Variants in TTC33 observed in about 807,000 individuals in gnomAD.
The protein encoded by TTC33 is tetratricopeptide repeat domain 33, also known as tetratricopeptide repeat protein 33.
In TTC33, 24 loss-of-function variants were observed where a neutral mutation model predicts 29.4. The ratio of observed to expected loss-of-function variants is 0.82; its 90% CI spans 0.59 to 1.15. TTC33 has a LOEUF of 1.15. Among genes scored for constraint, TTC33 ranks in the 50% most tolerant of loss-of-function variants. The probability of loss-of-function intolerance (pLI) is 0.00; values close to 1 mark genes in which losing one functional copy is unlikely to be tolerated. For synonymous variants in TTC33, 107 were observed against 100.3 expected (o/e 1.07, Z -0.40); for missense variants, 286 against 310.4 (o/e 0.92, Z 0.59).
In TTC33 at chr5:40,715,780, T is replaced by G. The variant is rs1741984075; in HGVS notation, c.*365A>C. ...AGGGAGGGAAATCACACACTTCCTT[T>G]ATCATAAAACAAAAGTTGAGACAGC... On this transcript the variant is annotated 3_prime_UTR_variant, in exon 5 of 5. Coordinates refer to ENST00000337702, the MANE Select transcript of TTC33 (RefSeq NM_012382.3). The G allele has an allele frequency of 5.9e-6, 1 of 170,596 alleles. No homozygotes were observed. Among genetic ancestry groups the G allele is most frequent in the African/African-American group, 2.4e-5 (1 of 42,180 alleles). 10.6% of individuals were successfully genotyped at this position (170,596 alleles called of 1,614,324 possible).
chr5:40,714,935 T>C lies in TTC33; in HGVS notation c.*1210A>G, dbSNP rs1004719645. 3 of 152,136 alleles carry C rather than the reference T, an allele frequency of 2.0e-5. No homozygotes were observed. The highest frequency in any genetic ancestry group is 4.4e-5 in the Non-Finnish European group (3 of 67,940). 9.4% of individuals were successfully genotyped at this position (152,136 alleles called of 1,614,324 possible). A position where few individuals can be genotyped will look rare whatever the true frequency, so the allele number is the denominator to read the frequency against. On this transcript the variant is annotated 3_prime_UTR_variant, in exon 5 of 5. Transcript: ENST00000337702. ...AACAGAACCCAACAGTTCTATATTA[T>C]TGTACTACAATATATAGTATAAAAA...
chr5:40,748,180 T>C (rs754723364), intron 1 of TTC33, among the ~76,000 whole-genome samples: 2 of 151,984 alleles, frequency 1.3e-5, no homozygotes, highest in Non-Finnish European at 2.9e-5. Flanking sequence ...TGATATTTGA[T>C]GATATTAAGA....
At chr5:40,724,032 A>T (rs1742220205) in intron 4 of TTC33, among the ~76,000 whole-genome samples, 1 of 152,232 alleles carries the variant, frequency 6.6e-6, no homozygotes, top group Admixed American at 6.5e-5. Context: ...ATTTCTGGAT[A>T]TTTATCCAAA....
intron 4 of TTC33, among the ~76,000 whole-genome samples, chr5:40,718,433 C>T (rs1278085995): frequency 6.6e-6 from 1 of 151,066 alleles, no homozygotes; most frequent in Non-Finnish European, 1.5e-5. Context: ...AAAAAATACA[C>T]AGAGATAGGT....
chr5:40,738,444 AAATACAATACAATACAATAC>A (rs140651944), intron 2 of TTC33, among the ~76,000 whole-genome samples: 72 of 83,650 alleles, frequency 8.6e-4, no homozygotes, highest in Middle Eastern at 6.1e-3. Flanking sequence ...ATATAAAATA[AAATACAATACAATACAATAC>A]AATACAATAC....
chr5:40,714,487 CTATT>C lies in TTC33; in HGVS notation c.*1654_*1657del, dbSNP rs1053488336. ...AAAATCTTCAAAATGCAGAAAAAAACTATTTATTCACAAATTACACAAAAAACAA... is the reference window on the plus strand; with the variant it reads ...AAAATCTTCAAAATGCAGAAAAAAACTATTCACAAATTACACAAAAAACAA... On this transcript the variant is annotated 3_prime_UTR_variant, in exon 5 of 5. Coordinates refer to ENST00000337702, the MANE Select transcript of TTC33 (RefSeq NM_012382.3). 6 of 152,144 alleles carry C rather than the reference CTATT, an allele frequency of 3.9e-5. No individual in the cohort carries two copies. The highest frequency in any genetic ancestry group is 9.7e-5 in the African/African-American group (4 of 41,412). The allele number at this position is 152,144 out of a possible 1,614,324, so 9.4% of individuals were successfully genotyped here.
chr5:40,719,896 T>C (rs890709466), intron 4 of TTC33, among the ~76,000 whole-genome samples: 1 of 152,238 alleles, frequency 6.6e-6, no homozygotes, highest in Non-Finnish European at 1.5e-5. Context: ...ATTTGTCTTT[T>C]TGTTATTGAG....
chr5:40,752,808 C>T (rs1024916834), intron 1 of TTC33, among the ~76,000 whole-genome samples: 11 of 152,076 alleles, frequency 7.2e-5, no homozygotes, highest in African/African-American at 2.2e-4. Context: ...ACAAATAGCA[C>T]GAAAAGACTT....
chr5:40,739,812 A>G (rs1260824599), intron 2 of TTC33, among the ~76,000 whole-genome samples: 2 of 152,158 alleles, frequency 1.3e-5, no homozygotes, highest in Non-Finnish European at 2.9e-5. Flanking sequence ...GTGTATATTT[A>G]TTGATTTATT....
chr5:40,717,783 G>A (rs1742033524), intron 4 of TTC33, among the ~76,000 whole-genome samples: 1 of 152,192 alleles, frequency 6.6e-6, no homozygotes, highest in Non-Finnish European at 1.5e-5. Flanking sequence ...CACTTAATCG[G>A]CCAGGCACCA....
chr5:40,736,678 C>T (rs780971152), intron 2 of TTC33, among the ~76,000 whole-genome samples: 5 of 152,138 alleles, frequency 3.3e-5, no homozygotes, highest in Non-Finnish European at 5.9e-5. Context: ...AGTACATTCA[C>T]TTGGTGCTTA....
chr5:40,743,307 G>C (rs996058369), intron 2 of TTC33, among the ~76,000 whole-genome samples: 1 of 152,146 alleles, frequency 6.6e-6, no homozygotes, highest in Non-Finnish European at 1.5e-5. Context: ...ATAGCACAAA[G>C]TTGTATAATA....
chr5:40,750,250 C>T (rs963303451), intron 1 of TTC33, among the ~76,000 whole-genome samples: 1 of 151,922 alleles, frequency 6.6e-6, no homozygotes, highest in South Asian at 2.1e-4. Context: ...TTACTGAAGG[C>T]TGGTGGCTGT....
intron 2 of TTC33, among the ~76,000 whole-genome samples, chr5:40,738,521 A>ATACAC (rs1742613810): frequency 1.5e-5 from 2 of 130,978 alleles, no homozygotes; most frequent in African/African-American, 5.7e-5. Flanking sequence ...ATACAATAAA[A>ATACAC]TAAAATACAA....
intron 2 of TTC33, among the ~76,000 whole-genome samples, chr5:40,732,338 C>T (rs1742449695): frequency 6.6e-6 from 1 of 152,008 alleles, no homozygotes; most frequent in Non-Finnish European, 1.5e-5. Flanking sequence ...ATTACTTGTT[C>T]TCACTTTATT....
intron 4 of TTC33, among the ~76,000 whole-genome samples, chr5:40,726,162 C>T (rs370676733): frequency 0.03 from 539 of 17,928 alleles, 7 homozygotes; most frequent in South Asian, 0.22. Context: ...TATATATATA[C>T]ACACACACAC....
chr5:40,753,364 CA>C (rs767934058), intron 1 of TTC33, among the ~76,000 whole-genome samples: 54 of 120,728 alleles, frequency 4.5e-4, no homozygotes, highest in Non-Finnish European at 3.2e-4. Context: ...AACTCCATCT[CA>C]AAAAAAAAAA....
rs1660261994 is a variant in TTC33, at chr5:40,715,062, A to G, written c.*1083T>C. Reference sequence around the variant, plus strand: ...AGCCTTTTCATACTCATGAGATTGTACTATAAATCACATTCCAATTTCTAT... The same window carrying G: ...AGCCTTTTCATACTCATGAGATTGTGCTATAAATCACATTCCAATTTCTAT... On this transcript the variant is annotated 3_prime_UTR_variant, in exon 5 of 5. Transcript: ENST00000337702. 1 of 152,108 alleles carries G rather than the reference A, an allele frequency of 6.6e-6. No individual in the cohort carries two copies. The highest frequency in any genetic ancestry group is 1.9e-4 in the East Asian group (1 of 5,202). The allele number at this position is 152,108 out of a possible 1,614,324, so 9.4% of individuals were successfully genotyped here.
rs541274094 is a variant in TTC33, at chr5:40,715,617, A to G, written c.*528T>C. The G allele has an allele frequency of 6.6e-6, 1 of 152,516 alleles. No individual in the cohort carries two copies. The highest frequency in any genetic ancestry group is 6.5e-5 in the Admixed American group (1 of 15,306). The allele number at this position is 152,516 out of a possible 1,614,324, so 9.4% of individuals were successfully genotyped here. A position where few individuals can be genotyped will look rare whatever the true frequency, so the allele number is the denominator to read the frequency against. Reference sequence around the variant, plus strand: ...ACACATTTGTGTGCATTTTCAGCCAAACTTTCAAAGATTCCACATATAACC... The same window carrying G: ...ACACATTTGTGTGCATTTTCAGCCAGACTTTCAAAGATTCCACATATAACC... On this transcript the variant is annotated 3_prime_UTR_variant, in exon 5 of 5. Coordinates refer to ENST00000337702, the MANE Select transcript of TTC33 (RefSeq NM_012382.3).
Sources: gnomAD v4.1 joint callset for allele counts (sites outside exome capture counted in the v4.1 genomes callset) on GRCh38, gnomAD v4.1.1 for gene constraint, MANE v1.5 for transcripts, NCBI Gene and HGNC (gene_info 2026-07-23, HGNC 2026-07-21) for gene names.